Variants in CDH13 observed in about 807,000 individuals in gnomAD.
CDH13 encodes the protein cadherin 13, also known as cadherin-13.
Under a neutral mutation model 63.8 loss-of-function variants are expected in CDH13, and 24 were observed. The ratio of observed to expected loss-of-function variants is 0.38; its 90% CI spans 0.27 to 0.53. The LOEUF (loss-of-function observed/expected upper bound fraction) is 0.53. Among genes scored for constraint, CDH13 ranks in the 20% least tolerant of loss-of-function variants. CDH13 has a pLI of 0.85. For synonymous variants in CDH13, 503 were observed against 355.3 expected, an observed-to-expected ratio of 1.42 and a Z score of -4.67; for missense variants, 1,049 against 903.1, an observed-to-expected ratio of 1.16 and a Z score of -2.07.
In CDH13 at chr16:83,163,377, G is replaced by C. The variant is rs1046988881; in HGVS notation, c.483+37876G>C. On this transcript the variant is annotated intron_variant, in intron 4 of 13. Transcript: ENST00000567109. Reference sequence around the variant, plus strand: ...CTTCCACTGGGATGTCCATCTTGTGGTCAAAACCTGCACCCCAGGTAACAT... The same window carrying C: ...CTTCCACTGGGATGTCCATCTTGTGCTCAAAACCTGCACCCCAGGTAACAT... 3.3e-5 allele frequency among the ~76,000 whole-genome samples: 5 copies of C among 151,972 alleles called. No homozygotes were observed. In the East Asian group the frequency reaches 9.6e-4, roughly 29 times the overall value.
chr16:83,006,381 A>G (rs1913495989), intron 2 of CDH13, among the ~76,000 whole-genome samples: 1 of 152,208 alleles, frequency 6.6e-6, no homozygotes, highest in Admixed American at 6.5e-5. Context: ...TGTCTCCTGA[A>G]TGGTTTTGAC....
chr16:83,285,843 G>A (rs1469672277), intron 5 of CDH13, among the ~76,000 whole-genome samples: 7 of 152,082 alleles, frequency 4.6e-5, no homozygotes, highest in Non-Finnish European at 8.8e-5. Flanking sequence ...AATGCATAAC[G>A]AATTATAGAG....
chr16:83,319,567 T>G (rs1007610289), intron 5 of CDH13, among the ~76,000 whole-genome samples: 2 of 152,202 alleles, frequency 1.3e-5, no homozygotes, highest in Non-Finnish European at 2.9e-5. Flanking sequence ...GAGAAAAATA[T>G]GAAATATTGA....
intron 7 of CDH13, among the ~76,000 whole-genome samples, chr16:83,555,215 G>T (rs1268192181): frequency 6.6e-6 from 1 of 152,192 alleles, no homozygotes; most frequent in Non-Finnish European, 1.5e-5. Flanking sequence ...TGTTTATGGA[G>T]ACCATGGTTT....
intron 1 of CDH13, among the ~76,000 whole-genome samples, chr16:82,805,579 C>A (rs988796175): frequency 2.2e-4 from 33 of 152,066 alleles, no homozygotes; most frequent in African/African-American, 8.0e-4. Context: ...ATGAGAGATG[C>A]CCAAATATAA....
intron 1 of CDH13, among the ~76,000 whole-genome samples, chr16:82,817,469 A>T (rs1162010194): frequency 6.6e-6 from 1 of 152,176 alleles, no homozygotes; most frequent in African/African-American, 2.4e-5. Flanking sequence ...TCTCATACAC[A>T]CAGAAATATA....
chr16:83,346,085 A>G (rs1346321486), intron 6 of CDH13, among the ~76,000 whole-genome samples: 1 of 152,104 alleles, frequency 6.6e-6, no homozygotes, highest in African/African-American at 2.4e-5. Flanking sequence ...ACTGCATCAG[A>G]TCCCCCAAGG....
At chr16:83,344,245 C>G (rs1408993574) in intron 5 of CDH13, among the ~76,000 whole-genome samples, 1 of 152,150 alleles carries the variant, frequency 6.6e-6, no homozygotes, top group Non-Finnish European at 1.5e-5. Context: ...TTTTTTTATG[C>G]TGCCTTCTTC....
intron 5 of CDH13, among the ~76,000 whole-genome samples, chr16:83,326,783 G>A (rs2090372288): frequency 6.6e-6 from 1 of 152,190 alleles, no homozygotes; most frequent in Non-Finnish European, 1.5e-5. Flanking sequence ...ATGACACTGT[G>A]CCAGGAGAGT....
At chr16:83,266,055 G>A (rs1173476544) in intron 5 of CDH13, among the ~76,000 whole-genome samples, 2 of 152,040 alleles carry the variant, frequency 1.3e-5, no homozygotes, top group African/African-American at 4.8e-5. Context: ...TCCTGCCTCA[G>A]CATCCCTAGT....
intron 5 of CDH13, among the ~76,000 whole-genome samples, chr16:83,323,355 A>G (rs2090284173): frequency 6.7e-6 from 1 of 150,182 alleles, no homozygotes; most frequent in African/African-American, 2.5e-5. Flanking sequence ...AGTTCACTGC[A>G]AGCTCTGACC....
At chr16:82,795,947 T>A in intron 1 of CDH13, among the ~76,000 whole-genome samples, 1 of 146,354 alleles carries the variant, frequency 6.8e-6, no homozygotes, top group African/African-American at 2.6e-5. Context: ...CTTCATTCTT[T>A]TTTTTTTTTT....
chr16:83,022,860 G>A (rs1282709091), intron 2 of CDH13, among the ~76,000 whole-genome samples: 4 of 152,194 alleles, frequency 2.6e-5, no homozygotes, highest in African/African-American at 4.8e-5. Context: ...GCCCAAGCAC[G>A]CTTATAAGAA....
At chr16:83,391,000 G>A (rs1213314218) in intron 6 of CDH13, among the ~76,000 whole-genome samples, 1 of 152,092 alleles carries the variant, frequency 6.6e-6, no homozygotes, top group Non-Finnish European at 1.5e-5. Context: ...GGATTTAATT[G>A]CTGATTCAAA....
At chr16:83,675,310 T>C (rs1357959566) in intron 9 of CDH13, among the ~76,000 whole-genome samples, 3 of 152,116 alleles carry the variant, frequency 2.0e-5, no homozygotes, top group Non-Finnish European at 4.4e-5. Flanking sequence ...CAGCTGGAGT[T>C]AGTAGATCCC....
chr16:83,545,954 C>T (rs12598226), intron 7 of CDH13, among the ~76,000 whole-genome samples: 47,651 of 151,992 alleles, frequency 0.31, 8,318 homozygotes, highest in East Asian at 0.41. Context: ...TGGAGGTGAA[C>T]AAGAAAGCAT....
rs976264929 is a variant in CDH13 at position 82,644,248 on chromosome 16, T to C, written c.45+17111T>C. On this transcript the variant is annotated intron_variant, in intron 1 of 13. Transcript: ENST00000567109. The surrounding 1 kb of genome is among the most constrained non-coding windows in gnomAD (Gnocchi z 5.7). ...CTAGTAATGAGAAGTCAATCTAAGG[T>C]CTAAGGCTGGGAAAGGAGCTCCCAC... 5.3e-5 allele frequency among the ~76,000 whole-genome samples: 8 copies of C among 151,998 alleles called. No homozygotes were observed.
At chr16:83,584,827 G>C (rs1343494550) in intron 7 of CDH13, among the ~76,000 whole-genome samples, 1 of 152,154 alleles carries the variant, frequency 6.6e-6, no homozygotes, top group East Asian at 1.9e-4. Flanking sequence ...CTTCTGATGA[G>C]GCCTCAGAAA....
At chr16:82,929,093 C>G (rs2042394921) in intron 2 of CDH13, among the ~76,000 whole-genome samples, 1 of 152,090 alleles carries the variant, frequency 6.6e-6, no homozygotes, top group Non-Finnish European at 1.5e-5. Flanking sequence ...ATTAGATCAC[C>G]TTTAAAAAAT....
Sources: allele counts gnomAD v4.1 joint callset (sites outside exome capture counted in the v4.1 genomes callset), GRCh38; gene constraint gnomAD v4.1.1; non-coding constraint Gnocchi (gnomAD v3.1); transcripts MANE v1.5; gene names NCBI Gene and HGNC (gene_info 2026-07-23, HGNC 2026-07-21).